CALD1: variants seen among roughly 807,000 people sequenced by gnomAD.
CALD1 encodes the protein caldesmon.
Under a neutral mutation model 99.9 loss-of-function variants are expected in CALD1, and 33 were observed. That is an observed-to-expected ratio of 0.33 (90% CI 0.25 to 0.44). The LOEUF is 0.44. CALD1 is among the 20% of genes least tolerant of loss of function. The probability of loss-of-function intolerance (pLI) is 1.00; values close to 1 mark genes in which losing one functional copy is unlikely to be tolerated. For missense variants in CALD1, 861 were observed against 962.1 expected (o/e 0.89, Z 1.39); for synonymous variants, 310 against 325.0 (o/e 0.95, Z 0.50).
intron 1 of CALD1, among the ~76,000 whole-genome samples, chr7:134,837,381 C>T (rs910220042): frequency 1.3e-5 from 2 of 151,234 alleles, no homozygotes; most frequent in East Asian, 1.9e-4. Context: ...CTTGCACTGT[C>T]GCCCAAGCTG....
intron 2 of CALD1, among the ~76,000 whole-genome samples, chr7:134,851,747 A>G (rs1469450793): frequency 2.0e-5 from 3 of 152,182 alleles, no homozygotes; most frequent in Admixed American, 6.5e-5. Context: ...AGGGTCTCCT[A>G]TTGGCAAGTC....
Position 134,941,272 on chromosome 7 carries a change from T to A in CALD1, c.1532+35T>A, listed in dbSNP as rs762714102. The A allele has an allele frequency of 5.9e-6, 9 of 1,526,336 alleles. No homozygotes were observed. In the Admixed American group the frequency reaches 8.8e-5, roughly 15 times the overall value. The allele number at this position is 1,526,336 out of a possible 1,614,324, so 94.5% of individuals were successfully genotyped here. The stretch of plus-strand genomic sequence containing the variant: ...AGCAACTAGTTAATAGAAACTGTGT[T>A]CACATGCAAAGAAAAAAAAAAAAAA... On this transcript the variant is annotated intron_variant, in intron 7 of 14. Transcript: ENST00000361675.
chr7:134,911,336 T>C (rs866155746), intron 3 of CALD1, among the ~76,000 whole-genome samples: 40 of 151,916 alleles, frequency 2.6e-4, no homozygotes, highest in African/African-American at 9.4e-4. Context: ...TGAGCCAGTA[T>C]GAAGTGTCTG....
chr7:134,950,417 C>G lies in CALD1; in HGVS notation c.1838C>G (p.Ala613Gly), dbSNP rs902374213. ...RLKEEIERRR[A>G]EAAEKRQKMP... The stretch of plus-strand genomic sequence containing the variant: ...AAGGAAGAGATTGAAAGGCGAAGAG[C>G]AGAAGCTGCTGAGAAACGCCAGAAG... The change falls in exon 9 of 15, where the codon GCA becomes GGA. Residue 613 changes from alanine (A) to glycine (G), a missense_variant. By Grantham distance (60) the Ala-to-Gly change is moderately conservative. Around this residue, in one of 5 missense-constraint regions of CALD1, gnomAD observed 190 missense variants for 249.0 expected, o/e 0.76. Transcript: ENST00000361675. 2 of 1,613,944 alleles carry G rather than the reference C, an allele frequency of 1.2e-6. No individual in the cohort carries two copies. Among genetic ancestry groups the G allele is most frequent in the African/African-American group, 2.7e-5 (2 of 74,932 alleles).
intron 1 of CALD1, among the ~76,000 whole-genome samples, chr7:134,747,404 T>C (rs1225475113): frequency 6.6e-6 from 1 of 152,236 alleles, no homozygotes; most frequent in African/African-American, 2.4e-5. Flanking sequence ...TAGAGGGAGT[T>C]GTTCAAAGTT....
intron 2 of CALD1, among the ~76,000 whole-genome samples, chr7:134,845,622 G>C (rs1799820465): frequency 6.6e-6 from 1 of 152,202 alleles, no homozygotes; most frequent in Non-Finnish European, 1.5e-5. Flanking sequence ...CATGTGTCTA[G>C]AAAACAATGC....
chr7:134,767,246 C>G (rs1796835465), intron 1 of CALD1, among the ~76,000 whole-genome samples: 1 of 151,766 alleles, frequency 6.6e-6, no homozygotes, highest in Non-Finnish European at 1.5e-5. Context: ...ATAAATCCAT[C>G]AAACCTCAGC....
chr7:134,916,554 T>C (rs1233102649), intron 3 of CALD1, among the ~76,000 whole-genome samples: 2 of 152,224 alleles, frequency 1.3e-5, no homozygotes, highest in Non-Finnish European at 2.9e-5. Flanking sequence ...CTAGAGAGGA[T>C]GCTGAGAATT....
chr7:134,931,527 A>G (rs961111408), intron 4 of CALD1, among the ~76,000 whole-genome samples: 5 of 152,222 alleles, frequency 3.3e-5, no homozygotes, highest in Non-Finnish European at 5.9e-5. Context: ...GTTAAATATG[A>G]AATGTGTTTT....
intron 3 of CALD1, among the ~76,000 whole-genome samples, chr7:134,884,713 C>T (rs1256715996): frequency 6.6e-6 from 1 of 151,410 alleles, no homozygotes; most frequent in African/African-American, 2.4e-5. Flanking sequence ...TCTACTCCAT[C>T]GTTGTCCCTC....
At chr7:134,869,461 G>A (rs1309281364) in intron 3 of CALD1, among the ~76,000 whole-genome samples, 1 of 151,502 alleles carries the variant, frequency 6.6e-6, no homozygotes, top group Non-Finnish European at 1.5e-5. Context: ...GGTAATGAGG[G>A]CCTGAATCAG....
intron 2 of CALD1, among the ~76,000 whole-genome samples, chr7:134,858,583 T>C (rs1433993969): frequency 6.6e-6 from 1 of 152,080 alleles, no homozygotes; most frequent in African/African-American, 2.4e-5. Context: ...AAGATCTCTT[T>C]TTTTTTTGAG....
chr7:134,911,332 A>C (rs1369526684), intron 3 of CALD1, among the ~76,000 whole-genome samples: 1 of 151,788 alleles, frequency 6.6e-6, no homozygotes, highest in African/African-American at 2.4e-5. Context: ...TCCATGAGCC[A>C]GTATGAAGTG....
rs1220715823 is a variant in CALD1, at chr7:134,933,402, G to T, written c.633G>T (p.Met211Ile). The change falls in exon 5 of 15, where the codon ATG (methionine) becomes ATT (isoleucine). Residue 211 changes from methionine (M) to isoleucine (I), a missense_variant. Around this residue, in one of 5 missense-constraint regions of CALD1, gnomAD observed 234 missense variants for 233.1 expected, o/e 1.00. Coordinates refer to ENST00000361675, the MANE Select transcript of CALD1 (RefSeq NM_033138.4). ...GSIGENQVEV[M>I]VEEKTTESQE... is the part of the protein sequence containing the mutation. ...TTGGAGAAAATCAGGTAGAGGTGAT[G>T]GTGGAAGAGAAAACAACTGAAAGCC... 2 of 1,612,746 alleles carry T rather than the reference G, an allele frequency of 1.2e-6. No homozygotes were observed. Among genetic ancestry groups the T allele is most frequent in the Non-Finnish European group, 1.7e-6 (2 of 1,179,284 alleles).
Position 134,850,703 on chromosome 7 carries a change from C to T in CALD1, c.-42+6732C>T, listed in dbSNP as rs1388512040. Among the ~76,000 whole-genome samples the T allele has an allele frequency of 3.9e-5, 6 of 152,234 alleles. 1 individual carries two copies. The South Asian group carries it at 8.3e-4, about 21-fold the overall frequency. On this transcript the variant is annotated intron_variant, in intron 2 of 14. Coordinates refer to ENST00000361675, the MANE Select transcript of CALD1 (RefSeq NM_033138.4). Reference sequence around the variant, plus strand: ...TCAGCCATCAGTGAAAGACAGCAACCCAGGGCCCATGCTGCCCTGCAAATG... The same window carrying T: ...TCAGCCATCAGTGAAAGACAGCAACTCAGGGCCCATGCTGCCCTGCAAATG...
chr7:134,851,818 C>T (rs555847503), intron 2 of CALD1, among the ~76,000 whole-genome samples: 1 of 152,252 alleles, frequency 6.6e-6, no homozygotes, highest in East Asian at 1.9e-4. Flanking sequence ...AGCCACTTGG[C>T]CCCAGATGAC....
At chr7:134,931,230 G>A (rs894451982) in intron 4 of CALD1, among the ~76,000 whole-genome samples, 2 of 152,076 alleles carry the variant, frequency 1.3e-5, no homozygotes, top group Non-Finnish European at 2.9e-5. Context: ...GATAATTGTG[G>A]TCATGATTTA....
the CALD1 span, among the ~76,000 whole-genome samples, chr7:134,736,212 C>A: frequency 1.3e-5 from 2 of 152,136 alleles, no homozygotes; most frequent in Non-Finnish European, 2.9e-5. Flanking sequence ...AAATCCAAAG[C>A]AAATATCCCC....
At chr7:134,799,509 T>C (rs1797866936) in intron 1 of CALD1, among the ~76,000 whole-genome samples, 1 of 152,216 alleles carries the variant, frequency 6.6e-6, no homozygotes, top group Non-Finnish European at 1.5e-5. Flanking sequence ...TACATAAAAG[T>C]ATCTCTCCAG....
Sources: gnomAD v4.1 joint callset for allele counts (sites outside exome capture counted in the v4.1 genomes callset) on GRCh38, gnomAD v4.1.1 for gene constraint, gnomAD v4.1.1 regional missense constraint, MANE v1.5 for transcripts, NCBI Gene and HGNC (gene_info 2026-07-23, HGNC 2026-07-21) for gene names.